The following CDCA2 variants were observed in gnomAD, a reference collection of about 807,000 sequenced individuals.
CDCA2 encodes cell division cycle associated 2.
CDCA2 carries 44 observed loss-of-function variants against 67.0 expected under a neutral mutation model. That is an observed-to-expected ratio of 0.66 (90% CI 0.52 to 0.84). The LOEUF is 0.84. Among genes scored for constraint, CDCA2 ranks in the 40% least tolerant of loss-of-function variants. CDCA2 has a pLI of 0.00. For missense variants in CDCA2, 1,253 were observed against 1,203.2 expected, an observed-to-expected ratio of 1.04 and a Z score of -0.61; for synonymous variants, 447 against 418.7, an observed-to-expected ratio of 1.07 and a Z score of -0.82.
chr8:25,488,642 T>A lies in CDCA2; in HGVS notation c.1624T>A (p.Ser542Thr). The A allele has an allele frequency of 1.2e-6, 2 of 1,612,660 alleles. No individual in the cohort carries two copies. The highest frequency in any genetic ancestry group is 1.7e-6 in the Non-Finnish European group (2 of 1,179,568). The part of the protein sequence containing the change: ...CKEKKINRRK[S>T]QETKCTKRAL... ...AGAAAAGAAAATTAATAGGAGGAAG[T>A]CTCAAGAAACAAAGTGTACAAAGAG... The change falls in exon 13 of 15, where the codon TCT (serine) becomes ACT (threonine). Residue 542 changes from serine (S) to threonine (T), a missense_variant. Physicochemically the swap from Ser to Thr is moderately conservative, Grantham distance 58. Coordinates refer to ENST00000330560, the MANE Select transcript of CDCA2 (RefSeq NM_152562.4).
At chr8:25,472,594 C>T (rs1364492780) in intron 7 of CDCA2, among the ~76,000 whole-genome samples, 1 of 152,020 alleles carries the variant, frequency 6.6e-6, no homozygotes, top group Non-Finnish European at 1.5e-5. Flanking sequence ...TTATTTTTCT[C>T]TTAAAATATC....
At chr8:25,460,103 TA>T (rs1414591051) in intron 1 of CDCA2, 136 bp from the exon 2 acceptor site, 3 of 786,218 alleles carry the variant, frequency 3.8e-6, no homozygotes, top group Non-Finnish European at 4.2e-6. Flanking sequence ...GAAATTAAAA[TA>T]AAAAATGAAA....
intron 7 of CDCA2, among the ~76,000 whole-genome samples, chr8:25,471,900 A>G (rs988892508): frequency 6.6e-6 from 1 of 152,242 alleles, no homozygotes; most frequent in Admixed American, 6.5e-5. Context: ...ACCATAGTAG[A>G]TGGGGCCTTG....
chr8:25,493,013 G>A (rs190392546), intron 13 of CDCA2, among the ~76,000 whole-genome samples: 1 of 152,206 alleles, frequency 6.6e-6, no homozygotes, highest in Admixed American at 6.5e-5. Flanking sequence ...AAACAGTGGT[G>A]GAAATGGATG....
chr8:25,478,630 A>G (rs1586488474), intron 7 of CDCA2, among the ~76,000 whole-genome samples: 1 of 152,042 alleles, frequency 6.6e-6, no homozygotes, highest in African/African-American at 2.4e-5. Context: ...GTCCATGCCC[A>G]CTGTTCCAGC....
chr8:25,481,631 A>T (rs11778292), intron 8 of CDCA2, among the ~76,000 whole-genome samples: 61,366 of 151,900 alleles, frequency 0.4, 12,810 homozygotes, highest in African/African-American at 0.52. Flanking sequence ...CAGAGCTTTC[A>T]GTGAGCCGAG....
At chr8:25,464,480 G>A (rs1242949797) in intron 4 of CDCA2, among the ~76,000 whole-genome samples, 1 of 152,180 alleles carries the variant, frequency 6.6e-6, no homozygotes. Flanking sequence ...TGCATGGAAG[G>A]AAGGTTGTTG....
In CDCA2 at chr8:25,480,224, A is replaced by G. The variant is rs1803516341; in HGVS notation, c.1032+100A>G. 4 of 995,616 alleles carry G rather than the reference A, an allele frequency of 4.0e-6. No individual in the cohort carries two copies. In the South Asian group the frequency reaches 5.1e-5, roughly 13 times the overall value. 61.7% of individuals were successfully genotyped at this position (995,616 alleles called of 1,614,324 possible). On this transcript the variant is annotated intron_variant, in intron 8 of 14. Coordinates refer to ENST00000330560, the MANE Select transcript of CDCA2 (RefSeq NM_152562.4). ...TCATATATCATGCTAGTTTAAAAGG[A>G]AATGTCTTACTCGTCTTACCGTAAA...
intron 13 of CDCA2, among the ~76,000 whole-genome samples, chr8:25,500,261 T>TG (rs1162448408): frequency 7.0e-5 from 10 of 143,854 alleles, no homozygotes; most frequent in African/African-American, 2.5e-4. Flanking sequence ...CTTTTTTTTT[T>TG]TTTTTTTCCC....
chr8:25,486,913 G>A (rs570880047), intron 11 of CDCA2, among the ~76,000 whole-genome samples: 17 of 152,020 alleles, frequency 1.1e-4, no homozygotes, highest in East Asian at 3.9e-4. Flanking sequence ...CCTTTATTGC[G>A]ATTTCATTAT....
chr8:25,488,485 T>A, intron 12 of CDCA2, 67 bp from the exon 13 acceptor site: 13 of 1,408,366 alleles, frequency 9.2e-6, no homozygotes, highest in Non-Finnish European at 1.2e-5. Flanking sequence ...ACAACAAGAG[T>A]GAGAGCAGCA....
intron 14 of CDCA2, among the ~76,000 whole-genome samples, chr8:25,504,740 C>G (rs1298790525): frequency 6.6e-6 from 1 of 152,196 alleles, no homozygotes; most frequent in East Asian, 1.9e-4. Flanking sequence ...GCATCCACCA[C>G]TCTACCTTTA....
At chr8:25,473,770 T>G (rs1402668744) in intron 7 of CDCA2, among the ~76,000 whole-genome samples, 3 of 152,218 alleles carry the variant, frequency 2.0e-5, no homozygotes, top group Non-Finnish European at 4.4e-5. Context: ...CATATTTTTT[T>G]CATTTCTTCC....
At chr8:25,480,652 A>C (rs1321138058) in intron 8 of CDCA2, among the ~76,000 whole-genome samples, 2 of 152,328 alleles carry the variant, frequency 1.3e-5, no homozygotes, top group East Asian at 3.9e-4. Context: ...ATATAACAGT[A>C]GTGCTCCGAG....
chr8:25,498,986 G>A (rs955401987), intron 13 of CDCA2, among the ~76,000 whole-genome samples: 3 of 152,274 alleles, frequency 2.0e-5, no homozygotes, highest in Non-Finnish European at 4.4e-5. Flanking sequence ...ATGAAATGAT[G>A]TGTAACGTCT....
intron 13 of CDCA2, among the ~76,000 whole-genome samples, chr8:25,492,400 G>GAGC (rs1467828202): frequency 2.6e-5 from 4 of 152,186 alleles, no homozygotes; most frequent in African/African-American, 7.2e-5. Flanking sequence ...CAGCCTAGAA[G>GAGC]AGCAACCAGT....
At chr8:25,467,118 A>G (rs1400189594) in intron 5 of CDCA2, among the ~76,000 whole-genome samples, 1 of 147,730 alleles carries the variant, frequency 6.8e-6, no homozygotes, top group Non-Finnish European at 1.5e-5. Context: ...ATATTCTTTA[A>G]CTCTTAGATT....
chr8:25,464,521 A>T (rs1441533414), intron 4 of CDCA2, among the ~76,000 whole-genome samples: 1 of 152,268 alleles, frequency 6.6e-6, no homozygotes, highest in Non-Finnish European at 1.5e-5. Context: ...AAACAAAAAC[A>T]TCAAAAAAGC....
At chr8:25,500,778 C>G (rs1364552564) in intron 13 of CDCA2, among the ~76,000 whole-genome samples, 4 of 152,174 alleles carry the variant, frequency 2.6e-5, no homozygotes, top group Admixed American at 1.3e-4. Flanking sequence ...CTACATTAAC[C>G]AGCTCTATCA....
Sources: gnomAD v4.1 joint callset for allele counts (sites outside exome capture counted in the v4.1 genomes callset) on GRCh38, gnomAD v4.1.1 for gene constraint, MANE v1.5 for transcripts, NCBI Gene and HGNC (gene_info 2026-07-23, HGNC 2026-07-21) for gene names.